Variants in MAML2 observed in about 807,000 individuals in gnomAD.
MAML2 encodes mastermind like transcriptional coactivator 2, also known as mastermind-like protein 2.
A neutral mutation model predicts 96.1 loss-of-function variants in MAML2; 22 were observed. That is an observed-to-expected ratio of 0.23 (90% CI 0.16 to 0.33). The LOEUF (loss-of-function observed/expected upper bound fraction) is 0.33, where lower values mean the gene tolerates loss of function less well. Among genes scored for constraint, MAML2 ranks in the 10% least tolerant of loss-of-function variants. The pLI is 1.00. For synonymous variants in MAML2, 561 were observed against 521.3 expected, an observed-to-expected ratio of 1.08 and a Z score of -1.04; for missense variants, 1,367 against 1,392.4, an observed-to-expected ratio of 0.98 and a Z score of 0.29.
intron 1 of MAML2, among the ~76,000 whole-genome samples, chr11:96,222,691 T>C (rs958947339): frequency 6.6e-6 from 1 of 152,192 alleles, no homozygotes; most frequent in Non-Finnish European, 1.5e-5. Context: ...CCCCAAAAGT[T>C]GCATATCGTG....
intron 4 of MAML2, among the ~76,000 whole-genome samples, chr11:95,983,712 T>C (rs954218966): frequency 6.7e-6 from 1 of 150,136 alleles, no homozygotes. Context: ...AATTTAAAAA[T>C]TGTAAGAAAA....
intron 1 of MAML2, among the ~76,000 whole-genome samples, chr11:96,307,283 G>A (rs1205280347): frequency 6.6e-6 from 1 of 152,214 alleles, no homozygotes; most frequent in Non-Finnish European, 1.5e-5. Context: ...CGGAGATCAA[G>A]TTGCCTTCAG....
intron 1 of MAML2, among the ~76,000 whole-genome samples, chr11:96,341,141 C>T (rs1297874974): frequency 6.6e-6 from 1 of 152,100 alleles, no homozygotes; most frequent in Non-Finnish European, 1.5e-5. Flanking sequence ...CTCTGGAAAA[C>T]TCAGGCTTCT....
At chr11:96,130,111 A>G (rs1400821958) in intron 1 of MAML2, among the ~76,000 whole-genome samples, 1 of 152,236 alleles carries the variant, frequency 6.6e-6, no homozygotes, top group Admixed American at 6.5e-5. Context: ...AGCCTGTGGA[A>G]TATTTCAGCT....
At chr11:96,249,317 T>C (rs552356596) in intron 1 of MAML2, among the ~76,000 whole-genome samples, 2 of 152,206 alleles carry the variant, frequency 1.3e-5, no homozygotes, top group African/African-American at 2.4e-5. Context: ...CTTCTTTTCT[T>C]TAGCTATACT....
At chr11:96,091,624 A>G (rs941600115) in intron 2 of MAML2, among the ~76,000 whole-genome samples, 7 of 152,206 alleles carry the variant, frequency 4.6e-5, no homozygotes, top group Non-Finnish European at 1.0e-4. Context: ...CACTAACAGC[A>G]TACATTATAA....
chr11:96,022,526 C>T (rs1346056640), intron 2 of MAML2, among the ~76,000 whole-genome samples: 5 of 152,116 alleles, frequency 3.3e-5, no homozygotes, highest in Non-Finnish European at 7.4e-5. Flanking sequence ...GTCACTGGGG[C>T]CCATAAGCAT....
At chr11:96,271,385 G>A (rs1043467621) in intron 1 of MAML2, among the ~76,000 whole-genome samples, 3 of 152,194 alleles carry the variant, frequency 2.0e-5, no homozygotes, top group African/African-American at 7.2e-5. Flanking sequence ...GAAGTGTGAG[G>A]ACATGAGATT....
chr11:96,218,108 G>C (rs1425202808), intron 1 of MAML2, among the ~76,000 whole-genome samples: 1 of 152,158 alleles, frequency 6.6e-6, no homozygotes, highest in Non-Finnish European at 1.5e-5. Context: ...TTTGCTTTCT[G>C]CGTCGAGGTA....
At chr11:96,045,683 C>G (rs1467120617) in intron 2 of MAML2, among the ~76,000 whole-genome samples, 9 of 152,148 alleles carry the variant, frequency 5.9e-5, no homozygotes, top group Admixed American at 5.9e-4. Flanking sequence ...GAAAACAATT[C>G]ACCAAATAAA....
intron 2 of MAML2, among the ~76,000 whole-genome samples, chr11:96,031,629 T>C (rs377749809): frequency 5.3e-5 from 8 of 152,196 alleles, no homozygotes; most frequent in East Asian, 1.9e-4. Context: ...CCCCAGTGCG[T>C]AGCATGCTTG....
intron 1 of MAML2, among the ~76,000 whole-genome samples, chr11:96,274,071 CTTTTCCTTT>C (rs1862950859): frequency 7.0e-6 from 1 of 142,230 alleles, no homozygotes; most frequent in African/African-American, 2.6e-5. Flanking sequence ...TTTCTTTTTC[CTTTTCCTTT>C]TTTTTTTTTT....
chr11:96,232,538 C>T (rs1271793386), intron 1 of MAML2, among the ~76,000 whole-genome samples: 6 of 151,940 alleles, frequency 3.9e-5, no homozygotes, highest in South Asian at 2.1e-4. Context: ...GGTGCGATCT[C>T]GGCTCACTGC....
chr11:95,997,961 A>G (rs571999389), intron 2 of MAML2, among the ~76,000 whole-genome samples: 63 of 152,270 alleles, frequency 4.1e-4, no homozygotes, highest in African/African-American at 1.5e-3. Context: ...AAATGTTTCC[A>G]TCCTCATCTG....
chr11:96,013,359 A>T (rs1239166498), intron 2 of MAML2, among the ~76,000 whole-genome samples: 2 of 152,228 alleles, frequency 1.3e-5, no homozygotes, highest in African/African-American at 4.8e-5. Flanking sequence ...TAACTAGTCC[A>T]TCTACAATAT....
intron 1 of MAML2, among the ~76,000 whole-genome samples, chr11:96,143,098 C>A (rs905235322): frequency 2.0e-5 from 3 of 152,172 alleles, no homozygotes; most frequent in Non-Finnish European, 4.4e-5. Context: ...TGAAAGCAGG[C>A]ATTGTCTCTC....
intron 2 of MAML2, among the ~76,000 whole-genome samples, chr11:96,088,317 C>A (rs958219380): frequency 2.0e-5 from 3 of 152,252 alleles, no homozygotes; most frequent in South Asian, 2.1e-4. Context: ...ATATAGAATC[C>A]ACTTGAGTTG....
At chr11:96,043,475 A>G (rs530417931) in intron 2 of MAML2, among the ~76,000 whole-genome samples, 37 of 152,254 alleles carry the variant, frequency 2.4e-4, no homozygotes, top group Non-Finnish European at 4.8e-4. Flanking sequence ...TGCCAAATAT[A>G]CTTTAATGGT....
intron 1 of MAML2, among the ~76,000 whole-genome samples, chr11:96,335,426 G>A (rs1016161763): frequency 6.6e-6 from 1 of 152,230 alleles, no homozygotes; most frequent in African/African-American, 2.4e-5. Context: ...AACCTAAGAA[G>A]CGAGGTATAG....
Sources: allele counts gnomAD v4.1 joint callset (sites outside exome capture counted in the v4.1 genomes callset), GRCh38; gene constraint gnomAD v4.1.1; transcripts MANE v1.5; gene names NCBI Gene and HGNC (gene_info 2026-07-23, HGNC 2026-07-21).